IGFBP1: variants seen among roughly 807,000 people sequenced by gnomAD.
IGFBP1 encodes the protein insulin-like growth factor-binding protein 1.
In IGFBP1, 31 loss-of-function variants were observed where a neutral mutation model predicts 23.1. The ratio of observed to expected loss-of-function variants is 1.34; its 90% CI spans 1.01 to 1.81. The LOEUF is 1.81. Ranked by LOEUF, IGFBP1 falls within the 40% of genes most tolerant of loss-of-function variation. IGFBP1 has a pLI of 0.00. For missense variants in IGFBP1, 333 were observed against 342.2 expected (o/e 0.97, Z 0.21); for synonymous variants, 148 against 145.5 (o/e 1.02, Z -0.13).
intron 2 of IGFBP1, 122 bp from the exon 3 acceptor site, chr7:45,891,810 G>C (rs1417110479): frequency 1.1e-6 from 1 of 876,278 alleles, no homozygotes; most frequent in Non-Finnish European, 1.7e-6. Context: ...CCTAGTCCCA[G>C]GTCCCCGTGG....
In IGFBP1 at chr7:45,888,549, G is replaced by T; in HGVS notation, c.-104G>T. ...GCCGCGCCGCCGCCACCCTCCCAGA[G>T]AGCACTGGCCACCGCTCCACCATCA... On this transcript the variant is annotated 5_prime_UTR_variant, in exon 1 of 4. Coordinates refer to ENST00000275525, the MANE Select transcript of IGFBP1 (RefSeq NM_000596.4). 1.0e-6 allele frequency: 1 copy of T among 988,044 alleles called. No homozygotes were observed. Among genetic ancestry groups the T allele is most frequent in the South Asian group, 1.5e-5 (1 of 68,136 alleles). 61.2% of individuals were successfully genotyped at this position (988,044 alleles called of 1,614,324 possible). A position where few individuals can be genotyped will look rare whatever the true frequency, so the allele number is the denominator to read the frequency against.
At position 45,890,545 on chromosome 7, in the gene IGFBP1, C is replaced by T. The variant is rs755994173; in HGVS notation, c.350-3C>T. 5.0e-6 allele frequency: 8 copies of T among 1,604,468 alleles called. No individual in the cohort carries two copies. In the South Asian group the frequency reaches 6.7e-5, roughly 13 times the overall value. On this transcript the variant is annotated splice_region_variant and splice_polypyrimidine_tract_variant and intron_variant, in intron 1 of 3. Transcript: ENST00000275525. ...CATGGGGTCTGCAATGTTTCCTTTC[C>T]AGAGGCAGGGAGCCCTGAAAGCCCA...
In IGFBP1 at chr7:45,891,962, G is replaced by T. The variant is rs146202574; in HGVS notation, c.550G>T (p.Val184Leu). 9.3e-6 allele frequency: 15 copies of T among 1,613,744 alleles called. No homozygotes were observed. The highest frequency in any genetic ancestry group is 1.3e-5 in the Non-Finnish European group (15 of 1,179,762). The change falls in exon 3 of 4, where the codon GTA (valine) becomes TTA (leucine). Residue 184 changes from valine to leucine, a missense_variant. Coordinates refer to ENST00000275525, the MANE Select transcript of IGFBP1 (RefSeq NM_000596.4). ...CTGCCGAATAGAACTCTACAGAGTC[G>T]TAGAGAGTTTAGCCAAGGCACAGGA... ...EPCRIELYRV[V>L]ESLAKAQETS...
At chr7:45,890,958 A>C (rs1425923913) in intron 2 of IGFBP1, among the ~76,000 whole-genome samples, 1 of 152,180 alleles carries the variant, frequency 6.6e-6, no homozygotes, top group Non-Finnish European at 1.5e-5. Context: ...AGGTTACTTC[A>C]TGTCTCTGAG....
intron 1 of IGFBP1, 21 bp from the exon 2 acceptor site, chr7:45,890,527 T>C (rs1220009954): frequency 6.3e-7 from 1 of 1,593,552 alleles, no homozygotes; most frequent in Non-Finnish European, 8.5e-7. Flanking sequence ...GCTCATGGGG[T>C]CTGCAATGTT....
Position 45,888,503 on chromosome 7 carries a change from C to A in IGFBP1, c.-150C>A. ...TCCAGCGAGCATCGGCCACCGCCAT[C>A]CCATCCAGCGAGCATCTGCCGCCGC... On this transcript the variant is annotated 5_prime_UTR_variant, in exon 1 of 4. Transcript: ENST00000275525. 1.5e-6 allele frequency: 1 copy of A among 657,252 alleles called. No individual in the cohort carries two copies. The allele number at this position is 657,252 out of a possible 1,614,324, so 40.7% of individuals were successfully genotyped here.
At chr7:45,889,781 C>G (rs763023932) in intron 1 of IGFBP1, among the ~76,000 whole-genome samples, 1 of 152,136 alleles carries the variant, frequency 6.6e-6, no homozygotes, top group African/African-American at 2.4e-5. Flanking sequence ...ACTTCCATAC[C>G]CTGATAGGGT....
chr7:45,890,838 T>C (rs1159103389), intron 2 of IGFBP1, 121 bp downstream of exon 2: 30 of 907,708 alleles, frequency 3.3e-5, no homozygotes, highest in Non-Finnish European at 4.6e-5. Flanking sequence ...GAAATGCTTT[T>C]CCCCCAAAAC....
chr7:45,890,354 T>TG (rs1243712657), intron 1 of IGFBP1, among the ~76,000 whole-genome samples, 194 bp from the exon 2 acceptor site: 1 of 152,200 alleles, frequency 6.6e-6, no homozygotes, highest in Non-Finnish European at 1.5e-5. Context: ...AGAGCTGGCA[T>TG]GCTGTTGGGA....
At chr7:45,889,957 A>G (rs529975100) in intron 1 of IGFBP1, among the ~76,000 whole-genome samples, 37 of 152,248 alleles carry the variant, frequency 2.4e-4, no homozygotes, top group Non-Finnish European at 4.6e-4. Context: ...GATTCTGTTC[A>G]TGTACCTTTG....
At position 45,892,873 on chromosome 7, in the gene IGFBP1, G is replaced by A; in HGVS notation, c.649-87G>A. On this transcript the variant is annotated intron_variant, in intron 3 of 3. Coordinates refer to ENST00000275525, the MANE Select transcript of IGFBP1 (RefSeq NM_000596.4). Reference sequence around the variant, plus strand: ...TCTTGGCTTGGCTCTGCAGTGCTCGGCTGCACTGAAAAAAGGGCCAGCTAT... The same window carrying A: ...TCTTGGCTTGGCTCTGCAGTGCTCGACTGCACTGAAAAAAGGGCCAGCTAT... 5 of 1,351,048 alleles carry A rather than the reference G, an allele frequency of 3.7e-6. No individual in the cohort carries two copies. In the East Asian group the frequency reaches 9.4e-5, roughly 25 times the overall value. The allele number at this position is 1,351,048 out of a possible 1,614,324, so 83.7% of individuals were successfully genotyped here.
In IGFBP1 at chr7:45,893,166, T is replaced by A. The variant is rs1787113579; in HGVS notation, c.*75T>A. On this transcript the variant is annotated 3_prime_UTR_variant, in exon 4 of 4. Coordinates refer to ENST00000275525, the MANE Select transcript of IGFBP1 (RefSeq NM_000596.4). ...TATTTATACTCTAGAACATGCACAT[T>A]TATATATATATGTATATGTATATAT... 29 of 822,868 alleles carry A rather than the reference T, an allele frequency of 3.5e-5. No homozygotes were observed. The highest frequency in any genetic ancestry group is 4.7e-5 in the Non-Finnish European group (26 of 553,666). The allele number at this position is 822,868 out of a possible 1,614,324, so 51.0% of individuals were successfully genotyped here.
rs1330885909 is a variant in IGFBP1, at chr7:45,889,009, A to G, written c.349+8A>G. Reference sequence around the variant, plus strand: ...CCGCTCCCCATGCTGCAGGTACCACAGTCCCGCCCCTGCTCCAGCACCTCC... The same window carrying G: ...CCGCTCCCCATGCTGCAGGTACCACGGTCCCGCCCCTGCTCCAGCACCTCC... On this transcript the variant is annotated splice_region_variant and intron_variant, in intron 1 of 3. Coordinates refer to ENST00000275525, the MANE Select transcript of IGFBP1 (RefSeq NM_000596.4). 1 of 1,503,168 alleles carries G rather than the reference A, an allele frequency of 6.7e-7. No homozygotes were observed. The highest frequency in any genetic ancestry group is 1.2e-5 in the South Asian group (1 of 81,078). 93.1% of individuals were successfully genotyped at this position (1,503,168 alleles called of 1,614,324 possible). A position where few individuals can be genotyped will look rare whatever the true frequency, so the allele number is the denominator to read the frequency against.
Position 45,893,066 on chromosome 7 carries a change from A to G in IGFBP1, c.755A>G (p.Gln252Arg). 6.2e-7 allele frequency: 1 copy of G among 1,612,242 alleles called. No individual in the cohort carries two copies. The highest frequency in any genetic ancestry group is 1.1e-5 in the South Asian group (1 of 91,012). Residue 252 changes from glutamine to arginine, a missense_variant, in exon 4 of 4, where the codon CAG (glutamine) becomes CGG (arginine). Coordinates refer to ENST00000275525, the MANE Select transcript of IGFBP1 (RefSeq NM_000596.4). Reference sequence around the variant, plus strand: ...GAGATCAGGGGAGACCCCAACTGCCAGATATATTTTAATGTACAAAACTGA... The same window carrying G: ...GAGATCAGGGGAGACCCCAACTGCCGGATATATTTTAATGTACAAAACTGA... Reference protein sequence around the residue: ...SPEIRGDPNCQIYFNVQN With the variant: ...SPEIRGDPNCRIYFNVQN
In IGFBP1 at chr7:45,892,900, G is replaced by C. The variant is rs1787101655; in HGVS notation, c.649-60G>C. ...TGCACTGAAAAAAGGGCCAGCTATGGCTCTACTTTCCCTGTCAGCTTGTCA... is the reference window on the plus strand; with the variant it reads ...TGCACTGAAAAAAGGGCCAGCTATGCCTCTACTTTCCCTGTCAGCTTGTCA... On this transcript the variant is annotated intron_variant, in intron 3 of 3. Transcript: ENST00000275525. The C allele has an allele frequency of 1.5e-5, 23 of 1,563,692 alleles. No homozygotes were observed. In the South Asian group the frequency reaches 2.6e-4, roughly 18 times the overall value.
At chr7:45,890,452 C>T in intron 1 of IGFBP1, 96 bp from the exon 2 acceptor site, 1 of 1,341,244 alleles carries the variant, frequency 7.5e-7, no homozygotes, top group Non-Finnish European at 1.0e-6. Context: ...CCTCATGGCC[C>T]AGCCTGGTTT....
chr7:45,891,834 C>G, intron 2 of IGFBP1, 98 bp from the exon 3 acceptor site: 1 of 1,240,886 alleles, frequency 8.1e-7, no homozygotes, highest in Non-Finnish European at 1.1e-6. Flanking sequence ...GATCGTAGGG[C>G]CACTCCTGCT....
chr7:45,890,558 C>T lies in IGFBP1; in HGVS notation c.360C>T (p.Ser120=). The stretch of plus-strand genomic sequence containing the variant: ...ATGTTTCCTTTCCAGAGGCAGGGAG[C>T]CCTGAAAGCCCAGAGAGCACGGAGA... ...ASAPHAAEAG[S]PESPESTEIT... is the part of the protein sequence containing the mutation. The change falls in exon 2 of 4, where the codon AGC becomes AGT. Residue 120 remains serine (S), a synonymous_variant. Transcript: ENST00000275525. The T allele has an allele frequency of 6.2e-7, 1 of 1,608,364 alleles. No individual in the cohort carries two copies. Among genetic ancestry groups the T allele is most frequent in the East Asian group, 2.2e-5 (1 of 44,714 alleles).
intron 1 of IGFBP1, among the ~76,000 whole-genome samples, chr7:45,889,510 G>C (rs1299727050): frequency 2.0e-5 from 3 of 152,252 alleles, no homozygotes; most frequent in Non-Finnish European, 4.4e-5. Flanking sequence ...CCTGGATACA[G>C]TATGTGCTTC....
Sources: gnomAD v4.1 joint callset for allele counts (sites outside exome capture counted in the v4.1 genomes callset) on GRCh38, gnomAD v4.1.1 for gene constraint, MANE v1.5 for transcripts, NCBI Gene and HGNC (gene_info 2026-07-23, HGNC 2026-07-21) for gene names.